The following KIAA1217 variants were observed in gnomAD, a reference collection of about 807,000 sequenced individuals.
The protein encoded by KIAA1217 is sickle tail protein homolog.
KIAA1217 carries 88 observed loss-of-function variants against 163.9 expected under a neutral mutation model. The observed-to-expected ratio is 0.54, with a 90% CI of 0.45 to 0.64. KIAA1217 has a LOEUF of 0.64. KIAA1217 is among the 30% of genes least tolerant of loss of function. The pLI, the probability that KIAA1217 is intolerant of heterozygous loss-of-function variation, is 0.00. For missense variants in KIAA1217, 2,372 were observed against 2,475.0 expected, an observed-to-expected ratio of 0.96 and a Z score of 0.88; for synonymous variants, 903 against 923.1, an observed-to-expected ratio of 0.98 and a Z score of 0.39.
intron 2 of KIAA1217, among the ~76,000 whole-genome samples, chr10:24,332,079 G>T (rs1038441795): frequency 7.2e-5 from 11 of 152,234 alleles, no homozygotes; most frequent in Admixed American, 5.9e-4. Context: ...AGGATTACAG[G>T]TGTGAGTCAC....
At chr10:24,097,403 A>G (rs1213794180) in intron 2 of KIAA1217, among the ~76,000 whole-genome samples, 2 of 152,112 alleles carry the variant, frequency 1.3e-5, no homozygotes, top group Non-Finnish European at 2.9e-5. Context: ...ACAAAAAAAC[A>G]TTAGCCAAGT....
chr10:24,035,396 T>C (rs1039639404), intron 2 of KIAA1217, among the ~76,000 whole-genome samples: 8 of 152,214 alleles, frequency 5.3e-5, no homozygotes, highest in African/African-American at 1.9e-4. Context: ...TTGGGGTACC[T>C]GATGCCTTTA....
At chr10:24,529,112 AG>A (rs1355323321) in intron 14 of KIAA1217, among the ~76,000 whole-genome samples, 1 of 152,200 alleles carries the variant, frequency 6.6e-6, no homozygotes, top group African/African-American at 2.4e-5. Context: ...TAATTTGGAA[AG>A]GAATCCCCAT....
intron 2 of KIAA1217, among the ~76,000 whole-genome samples, chr10:24,256,527 G>A (rs143203432): frequency 6.0e-4 from 91 of 151,998 alleles, no homozygotes; most frequent in African/African-American, 2.0e-3. Context: ...AAGATGTCCT[G>A]AAAGAAACCT....
chr10:23,751,228 A>G (rs1042081936), intron 1 of KIAA1217, among the ~76,000 whole-genome samples: 2 of 151,916 alleles, frequency 1.3e-5, no homozygotes, highest in African/African-American at 4.8e-5. Context: ...GGGTTTCTCC[A>G]TGTTGCCCAG....
At position 24,275,465 on chromosome 10, in the gene KIAA1217, G is replaced by C. The variant is rs372348663; in HGVS notation, c.354+55556G>C. ...TGTTGTTTAGTTAGACGCCACCTGG[G>C]AACGTGCTTGTTGGGAAACTCCAGT... On this transcript the variant is annotated intron_variant, in intron 2 of 20. Transcript: ENST00000376454. Among the ~76,000 whole-genome samples, 49 of 152,308 alleles carry C rather than the reference G, an allele frequency of 3.2e-4. 1 individual carries two copies. The highest frequency in any genetic ancestry group is 1.2e-3 in the Admixed American group (19 of 15,302).
chr10:24,103,739 C>A (rs1418765340), intron 2 of KIAA1217, among the ~76,000 whole-genome samples: 1 of 152,094 alleles, frequency 6.6e-6, no homozygotes, highest in Admixed American at 6.6e-5. Flanking sequence ...CTGACAACAC[C>A]AAATGCTGAC....
intron 3 of KIAA1217, among the ~76,000 whole-genome samples, chr10:24,410,003 T>TTTTC (rs2057610026): frequency 6.8e-6 from 1 of 147,138 alleles, no homozygotes; most frequent in Admixed American, 6.8e-5. Flanking sequence ...TTTTCTTTTT[T>TTTTC]TTTTTTTTTT....
intron 2 of KIAA1217, among the ~76,000 whole-genome samples, chr10:24,123,000 A>G (rs1326356982): frequency 6.6e-6 from 1 of 152,032 alleles, no homozygotes; most frequent in Non-Finnish European, 1.5e-5. Flanking sequence ...GTAGAATAAA[A>G]TAGAGCCCAT....
At chr10:23,889,907 T>A (rs1041441155) in intron 1 of KIAA1217, among the ~76,000 whole-genome samples, 1 of 151,864 alleles carries the variant, frequency 6.6e-6, no homozygotes, top group Non-Finnish European at 1.5e-5. Flanking sequence ...TAACAGATAA[T>A]CTTGTTCTCT....
rs143695207 is a variant in KIAA1217 at position 24,497,468 on chromosome 10, C to G, written c.1834+2272C>G. 1.8e-4 allele frequency among the ~76,000 whole-genome samples: 28 copies of G among 152,232 alleles called. No individual in the cohort carries two copies. The East Asian group carries it at 5.2e-3, about 28-fold the overall frequency. On this transcript the variant is annotated intron_variant, in intron 8 of 20. Coordinates refer to ENST00000376454, the MANE Select transcript of KIAA1217 (RefSeq NM_019590.5). Reference sequence around the variant, plus strand: ...GACAGCCAGGCTGGGCATGGTGGCTCATGCCTGTAATCTCAGGACCTTGGA... The same window carrying G: ...GACAGCCAGGCTGGGCATGGTGGCTGATGCCTGTAATCTCAGGACCTTGGA...
rs548045640 is a variant in KIAA1217 at position 24,366,566 on chromosome 10, A to G, written c.355-14303A>G. The stretch of plus-strand genomic sequence containing the variant: ...ACTCCAGGGTCCACCAGGTTCAAAT[A>G]TTAGAATTTGTGCCCTGAATTACAG... On this transcript the variant is annotated intron_variant, in intron 2 of 20. Coordinates refer to ENST00000376454, the MANE Select transcript of KIAA1217 (RefSeq NM_019590.5). 6.6e-5 allele frequency among the ~76,000 whole-genome samples: 10 copies of G among 152,390 alleles called. No homozygotes were observed. In the East Asian group the frequency reaches 1.9e-3, roughly 29 times the overall value.
chr10:24,267,894 T>G (rs572616711), intron 2 of KIAA1217, among the ~76,000 whole-genome samples: 1 of 152,174 alleles, frequency 6.6e-6, no homozygotes, highest in Non-Finnish European at 1.5e-5. Flanking sequence ...GAAATTTGGG[T>G]GTGGGTTAAA....
intron 2 of KIAA1217, among the ~76,000 whole-genome samples, chr10:24,325,101 A>T (rs1041347444): frequency 6.6e-6 from 1 of 152,216 alleles, no homozygotes; most frequent in African/African-American, 2.4e-5. Flanking sequence ...AGAACAATCC[A>T]TAGTCACCCA....
intron 2 of KIAA1217, among the ~76,000 whole-genome samples, chr10:24,230,157 T>C (rs1157282186): frequency 6.6e-6 from 1 of 152,132 alleles, no homozygotes; most frequent in East Asian, 1.9e-4. Context: ...AAGGAGAACG[T>C]ATTATTTGCC....
At chr10:23,704,979 G>A (rs1454596917) in intron 1 of KIAA1217, among the ~76,000 whole-genome samples, 2 of 151,942 alleles carry the variant, frequency 1.3e-5, no homozygotes, top group African/African-American at 4.8e-5. Flanking sequence ...CTTTTTTTGA[G>A]GATAGTCATC....
At chr10:24,504,815 A>T (rs2068121961) in intron 9 of KIAA1217, among the ~76,000 whole-genome samples, 1 of 152,230 alleles carries the variant, frequency 6.6e-6, no homozygotes, top group Non-Finnish European at 1.5e-5. Context: ...GATTATTCTC[A>T]GGAATAGAAA....
At chr10:24,127,941 CAA>C (rs1429232830) in intron 2 of KIAA1217, among the ~76,000 whole-genome samples, 3 of 152,116 alleles carry the variant, frequency 2.0e-5, no homozygotes, top group Non-Finnish European at 4.4e-5. Context: ...GGAATAAAAA[CAA>C]AGAATTCACA....
intron 1 of KIAA1217, among the ~76,000 whole-genome samples, chr10:23,718,856 GAGAGAGAGA>G (rs751175114): frequency 0.02 from 3,006 of 150,926 alleles, 118 homozygotes; most frequent in African/African-American, 0.07. Flanking sequence ...GAGGGGGAGA[GAGAGAGAGA>G]AGAGAGAGAG....
Sources: allele counts gnomAD v4.1 joint callset (sites outside exome capture counted in the v4.1 genomes callset), GRCh38; gene constraint gnomAD v4.1.1; transcripts MANE v1.5; gene names NCBI Gene and HGNC (gene_info 2026-07-23, HGNC 2026-07-21).